The following OSBPL8 variants were observed in gnomAD, a reference collection of about 807,000 sequenced individuals.
OSBPL8 encodes oxysterol binding protein like 8, also known as oxysterol-binding protein-related protein 8.
A neutral mutation model predicts 125.5 loss-of-function variants in OSBPL8; 59 were observed. That is an observed-to-expected ratio of 0.47 (90% CI 0.38 to 0.58). The LOEUF (loss-of-function observed/expected upper bound fraction) is 0.58. OSBPL8 is among the 20% of genes least tolerant of loss of function. OSBPL8 has a pLI of 0.00. For missense variants in OSBPL8, 758 were observed against 1,047.8 expected (o/e 0.72, Z 3.82); for synonymous variants, 330 against 338.9 (o/e 0.97, Z 0.29).
intron 4 of OSBPL8, among the ~76,000 whole-genome samples, chr12:76,412,998 T>C (rs1335661443): frequency 3.3e-5 from 5 of 152,210 alleles, no homozygotes; most frequent in Non-Finnish European, 7.4e-5. Flanking sequence ...ATTATCTTTA[T>C]GCTCATGTTG....
chr12:76,451,861 G>A (rs1010457260), intron 3 of OSBPL8, among the ~76,000 whole-genome samples: 1 of 152,136 alleles, frequency 6.6e-6, no homozygotes, highest in Non-Finnish European at 1.5e-5. Flanking sequence ...AAGAAAGGAC[G>A]ATTTACTAGC....
chr12:76,447,729 T>G (rs754115108), intron 4 of OSBPL8, among the ~76,000 whole-genome samples: 10 of 152,106 alleles, frequency 6.6e-5, no homozygotes, highest in Non-Finnish European at 1.2e-4. Context: ...TATTTTTAAG[T>G]AGAGATGGGG....
At chr12:76,442,709 C>T (rs1418982967) in intron 4 of OSBPL8, among the ~76,000 whole-genome samples, 1 of 152,006 alleles carries the variant, frequency 6.6e-6, no homozygotes, top group East Asian at 1.9e-4. Context: ...GTGTACAGTC[C>T]CACATATGTT....
At chr12:76,548,795 G>C (rs956201705) in intron 1 of OSBPL8, among the ~76,000 whole-genome samples, 1 of 152,180 alleles carries the variant, frequency 6.6e-6, no homozygotes, top group Admixed American at 6.5e-5. Context: ...GAACAGGGGA[G>C]GGAGGGTGAC....
At chr12:76,557,108 C>T (rs1196804138) in intron 1 of OSBPL8, among the ~76,000 whole-genome samples, 1 of 139,180 alleles carries the variant, frequency 7.2e-6, no homozygotes, top group Non-Finnish European at 1.5e-5. Flanking sequence ...CAATATAATA[C>T]AAACATTACA....
intron 2 of OSBPL8, among the ~76,000 whole-genome samples, chr12:76,465,659 C>T (rs1232459342): frequency 6.6e-6 from 1 of 152,154 alleles, no homozygotes; most frequent in African/African-American, 2.4e-5. Context: ...CTGTTTCAAA[C>T]AGGGTAATAA....
At chr12:76,479,042 C>T (rs1877154858) in intron 2 of OSBPL8, among the ~76,000 whole-genome samples, 1 of 152,176 alleles carries the variant, frequency 6.6e-6, no homozygotes, top group South Asian at 2.1e-4. Context: ...GCCTGGGCGA[C>T]AGAGCGAGAC....
intron 4 of OSBPL8, among the ~76,000 whole-genome samples, chr12:76,421,602 T>G (rs1005959356): frequency 1.3e-5 from 2 of 152,120 alleles, no homozygotes; most frequent in Non-Finnish European, 2.9e-5. Flanking sequence ...AATAGGGAAT[T>G]TAATTCAACA....
chr12:76,365,661 T>C (rs1366146294), intron 21 of OSBPL8, among the ~76,000 whole-genome samples: 1 of 152,150 alleles, frequency 6.6e-6, no homozygotes, highest in African/African-American at 2.4e-5. Flanking sequence ...AGTGGGAATG[T>C]TTGTCTTGTT....
chr12:76,384,291 G>A lies in OSBPL8; in HGVS notation c.1593C>T (p.Cys531=). Residue 531 remains cysteine, a synonymous_variant, in exon 15 of 24, where the codon TGC becomes TGT. Coordinates refer to ENST00000261183, the MANE Select transcript of OSBPL8 (RefSeq NM_020841.5). ...FYVSNRKDGF[C]LSGSILAKSK... ...ACTTAGCCAGGATACTACCGCTAAG[G>A]CAAAATCCATCTTTTCGATTACTAA... 1 of 1,568,450 alleles carries A rather than the reference G, an allele frequency of 6.4e-7. No homozygotes were observed. The highest frequency in any genetic ancestry group is 8.7e-7 in the Non-Finnish European group (1 of 1,150,526).
At chr12:76,424,360 T>G (rs566565588) in intron 4 of OSBPL8, among the ~76,000 whole-genome samples, 2 of 152,258 alleles carry the variant, frequency 1.3e-5, no homozygotes, top group East Asian at 3.9e-4. Flanking sequence ...CAAAATCAAT[T>G]AATGGAGAAT....
chr12:76,445,918 C>CA (rs1161166558), intron 4 of OSBPL8, among the ~76,000 whole-genome samples: 2 of 152,092 alleles, frequency 1.3e-5, no homozygotes, highest in African/African-American at 4.8e-5. Context: ...ATACTCGACT[C>CA]AAAGTTTGAA....
At chr12:76,454,997 G>A (rs1255137068) in intron 3 of OSBPL8, among the ~76,000 whole-genome samples, 2 of 152,102 alleles carry the variant, frequency 1.3e-5, no homozygotes, top group African/African-American at 4.8e-5. Context: ...CACTCTGGGA[G>A]GCCGAGGCTG....
chr12:76,463,464 A>G (rs1390361869), intron 2 of OSBPL8, among the ~76,000 whole-genome samples: 1 of 152,200 alleles, frequency 6.6e-6, no homozygotes, highest in Non-Finnish European at 1.5e-5. Flanking sequence ...ATGTCAAGTA[A>G]GCAGCTGGAT....
intron 4 of OSBPL8, among the ~76,000 whole-genome samples, chr12:76,425,530 A>T (rs1870041942): frequency 6.6e-6 from 1 of 152,212 alleles, no homozygotes; most frequent in Admixed American, 6.5e-5. Flanking sequence ...CAGAAACAGG[A>T]CATCCAATAT....
intron 4 of OSBPL8, among the ~76,000 whole-genome samples, chr12:76,437,457 CTATT>C (rs1871604285): frequency 6.6e-6 from 1 of 152,148 alleles, no homozygotes; most frequent in Non-Finnish European, 1.5e-5. Flanking sequence ...TGTTAGGTAT[CTATT>C]CATGTCTTTT....
At position 76,353,807 on chromosome 12, in the gene OSBPL8, T is replaced by G. The variant is rs1951898161; in HGVS notation, c.*2082A>C. 1 of 152,360 alleles carries G rather than the reference T, an allele frequency of 6.6e-6. No individual in the cohort carries two copies. Among genetic ancestry groups the G allele is most frequent in the Non-Finnish European group, 1.5e-5 (1 of 67,816 alleles). 9.4% of individuals were successfully genotyped at this position (152,360 alleles called of 1,614,324 possible). On this transcript the variant is annotated 3_prime_UTR_variant, in exon 24 of 24. Transcript: ENST00000261183. ...AACTCTGCTCTTTCTTAAGAAATAG[T>G]TTTTGACTCTTTGGGTAAGAACCCA...
chr12:76,363,174 A>G (rs191134644), intron 21 of OSBPL8, among the ~76,000 whole-genome samples: 6 of 152,368 alleles, frequency 3.9e-5, no homozygotes, highest in Admixed American at 3.3e-4. Flanking sequence ...AGAATTAGAA[A>G]AAACTACTTT....
At chr12:76,459,751 T>A (rs1286738563) in intron 3 of OSBPL8, 108 bp downstream of exon 3, 3 of 1,284,998 alleles carry the variant, frequency 2.3e-6, no homozygotes, top group Non-Finnish European at 2.2e-6. Flanking sequence ...GAAAGAAAAG[T>A]AGAACACTTA....
Sources: allele counts gnomAD v4.1 joint callset (sites outside exome capture counted in the v4.1 genomes callset), GRCh38; gene constraint gnomAD v4.1.1; transcripts MANE v1.5; gene names NCBI Gene and HGNC (gene_info 2026-07-23, HGNC 2026-07-21).